Variants in DCAF1 observed in about 807,000 individuals in gnomAD.
DCAF1 encodes the protein DDB1- and CUL4-associated factor 1.
A neutral mutation model predicts 128.0 loss-of-function variants in DCAF1; 15 were observed. The observed-to-expected ratio is 0.12, with a 90% CI of 0.08 to 0.18. The LOEUF is 0.18. Ranked by LOEUF, DCAF1 falls within the 10% of genes least tolerant of loss-of-function variation. DCAF1 has a pLI of 1.00. For synonymous variants in DCAF1, 610 were observed against 603.0 expected, an observed-to-expected ratio of 1.01 and a Z score of -0.17; for missense variants, 988 against 1,649.5, an observed-to-expected ratio of 0.60 and a Z score of 6.95.
chr3:51,455,115 G>A (rs1702761280), intron 6 of DCAF1, among the ~76,000 whole-genome samples: 1 of 152,138 alleles, frequency 6.6e-6, no homozygotes, highest in Non-Finnish European at 1.5e-5. Context: ...CTACATGAAT[G>A]TAAAGCTCTC....
chr3:51,423,565 C>T (rs1699624837), intron 13 of DCAF1, among the ~76,000 whole-genome samples: 1 of 150,490 alleles, frequency 6.6e-6, no homozygotes, highest in African/African-American at 2.4e-5. Flanking sequence ...CGCCGGTAAT[C>T]ACAACAATTT....
At position 51,398,688 on chromosome 3, in the gene DCAF1, G is replaced by T; in HGVS notation, c.*81C>A. On this transcript the variant is annotated 3_prime_UTR_variant, in exon 25 of 25. Coordinates refer to ENST00000684031, the MANE Select transcript of DCAF1 (RefSeq NM_001387579.1). ...CCTTAAAAGACAGACAGCCCTGGGA[G>T]AAAGAGAAGGGAATATGTTCTGAAT... The T allele has an allele frequency of 6.6e-7, 1 of 1,524,394 alleles. No individual in the cohort carries two copies. The highest frequency in any genetic ancestry group is 1.2e-5 in the South Asian group (1 of 83,378). The allele number at this position is 1,524,394 out of a possible 1,614,324, so 94.4% of individuals were successfully genotyped here. A position where few individuals can be genotyped will look rare whatever the true frequency, so the allele number is the denominator to read the frequency against.
chr3:51,441,775 C>T lies in DCAF1; in HGVS notation c.636G>A (p.Glu212=). 2 of 1,613,980 alleles carry T rather than the reference C, an allele frequency of 1.2e-6. No homozygotes were observed. Among genetic ancestry groups the T allele is most frequent in the Non-Finnish European group, 1.7e-6 (2 of 1,179,880 alleles). ...TGTCACCATAGTCCATATCCACAGC[C>T]TCCTCATCCAGAGGCAAAAGGGGTT... The part of the protein sequence containing the change: ...SSEPLLPLDE[E]AVDMDYGDMA... Residue 212 remains glutamate (E), a synonymous_variant, in exon 8 of 25, where the codon GAG becomes GAA. Transcript: ENST00000684031.
At chr3:51,431,391 G>A (rs939997055) in intron 10 of DCAF1, among the ~76,000 whole-genome samples, 1 of 150,628 alleles carries the variant, frequency 6.6e-6, no homozygotes, top group South Asian at 2.1e-4. Context: ...ATGGTGGCAC[G>A]TGCCTGTGAT....
At chr3:51,430,712 A>C (rs1465196009) in intron 10 of DCAF1, among the ~76,000 whole-genome samples, 1 of 152,220 alleles carries the variant, frequency 6.6e-6, no homozygotes, top group Non-Finnish European at 1.5e-5. Context: ...CTTAGCCATA[A>C]GTAATTTTGT....
intron 6 of DCAF1, among the ~76,000 whole-genome samples, chr3:51,455,603 C>A (rs782058548): frequency 1.3e-5 from 2 of 151,166 alleles, no homozygotes; most frequent in African/African-American, 4.9e-5. Context: ...AGTAAGACCC[C>A]ATCTCAAAAA....
rs1553631038 is a variant in DCAF1, at chr3:51,418,105, C to T, written c.3518+11G>A. The T allele has an allele frequency of 1.2e-6, 2 of 1,607,928 alleles. No homozygotes were observed. Among genetic ancestry groups the T allele is most frequent in the Non-Finnish European group, 8.5e-7 (1 of 1,177,242 alleles). ...TAAAGCACAGACTAGGTTCCAAAAG[C>T]AGATACATACTTCATATCAAATACT... is the stretch of plus-strand genomic sequence containing the variant. On this transcript the variant is annotated intron_variant, in intron 17 of 24. Transcript: ENST00000684031.
chr3:51,463,145 C>T lies in DCAF1; in HGVS notation c.344G>A (p.Gly115Glu), dbSNP rs1553645216. Residue 115 changes from glycine to glutamate, a missense_variant, in exon 6 of 25, where the codon GGG (glycine) becomes GAG (glutamate). Around this residue, in one of 11 missense-constraint regions of DCAF1, gnomAD observed 210 missense variants for 260.2 expected, o/e 0.81. Transcript: ENST00000684031. ...ACRLLLDIMP[G>E]LETAVVFQEK... ...TTGAAAGACGACAGCAGTTTCCAGC[C>T]CTGGCATGATGTCTAATAGGAGTCT... 6.3e-7 allele frequency: 1 copy of T among 1,596,394 alleles called. No homozygotes were observed. The highest frequency in any genetic ancestry group is 8.5e-7 in the Non-Finnish European group (1 of 1,170,942).
At chr3:51,439,689 T>C (rs1701187985) in intron 9 of DCAF1, among the ~76,000 whole-genome samples, 1 of 152,074 alleles carries the variant, frequency 6.6e-6, no homozygotes, top group Non-Finnish European at 1.5e-5. Flanking sequence ...AATATGTACA[T>C]AGTTTAAAAA....
intron 4 of DCAF1, among the ~76,000 whole-genome samples, chr3:51,469,807 G>A (rs544734699): frequency 6.6e-6 from 1 of 152,046 alleles, no homozygotes; most frequent in Non-Finnish European, 1.5e-5. Flanking sequence ...GATCACTTGA[G>A]GTCAGGAGTT....
chr3:51,439,862 A>G (rs111816276), intron 9 of DCAF1, among the ~76,000 whole-genome samples: 148,642 of 151,650 alleles, frequency 0.98, 72,915 homozygotes, highest in Middle Eastern at 1. Flanking sequence ...GCATGGTGGC[A>G]GGCACCTGTA....
At chr3:51,453,441 A>T (rs2107862166) in intron 6 of DCAF1, among the ~76,000 whole-genome samples, 1 of 151,776 alleles carries the variant, frequency 6.6e-6, no homozygotes, top group African/African-American at 2.4e-5. Flanking sequence ...CAGCCTGGGC[A>T]ACATAGGGAG....
chr3:51,452,875 C>T (rs541647325), intron 6 of DCAF1, among the ~76,000 whole-genome samples: 195 of 151,978 alleles, frequency 1.3e-3, no homozygotes, highest in Admixed American at 3.0e-3. Context: ...ATTAGCCGGG[C>T]GTGGTGGCGG....
chr3:51,426,521 T>C (rs576772215), intron 13 of DCAF1, among the ~76,000 whole-genome samples: 8 of 152,344 alleles, frequency 5.3e-5, no homozygotes, highest in African/African-American at 1.9e-4. Flanking sequence ...ACATTTTTAA[T>C]GCATAAATAT....
intron 2 of DCAF1, among the ~76,000 whole-genome samples, chr3:51,486,685 G>A (rs1050791485): frequency 5.3e-5 from 8 of 152,096 alleles, no homozygotes; most frequent in African/African-American, 1.9e-4. Context: ...CCAGGCTGGA[G>A]TGCAGTGGCA....
intron 13 of DCAF1, among the ~76,000 whole-genome samples, chr3:51,423,919 C>T (rs372564599): frequency 1.5e-4 from 23 of 151,658 alleles, no homozygotes; most frequent in African/African-American, 5.6e-4. Context: ...AGAAAACCCA[C>T]ATAGACAAGA....
intron 23 of DCAF1, among the ~76,000 whole-genome samples, chr3:51,407,169 AAAAAAAAAAAC>A (rs2090183674): frequency 1.3e-5 from 2 of 150,958 alleles, no homozygotes; most frequent in East Asian, 1.9e-4. Context: ...AAAAAAAAAA[AAAAAAAAAAAC>A]AACAACAAAA....
intron 23 of DCAF1, among the ~76,000 whole-genome samples, chr3:51,411,504 C>T (rs782263614): frequency 1.3e-5 from 2 of 152,112 alleles, no homozygotes; most frequent in South Asian, 2.1e-4. Context: ...AAGCACCTAG[C>T]GTAATACAAC....
intron 12 of DCAF1, among the ~76,000 whole-genome samples, chr3:51,427,870 CT>C (rs1281094565): frequency 1.4e-4 from 22 of 152,136 alleles, no homozygotes; most frequent in Admixed American, 1.4e-3. Context: ...ATGATCATAG[CT>C]CACTGCAGCC....
Sources: allele counts gnomAD v4.1 joint callset (sites outside exome capture counted in the v4.1 genomes callset), GRCh38; gene constraint gnomAD v4.1.1; regional missense constraint gnomAD v4.1.1; transcripts MANE v1.5; gene names NCBI Gene and HGNC (gene_info 2026-07-23, HGNC 2026-07-21).